The following MFSD6 variants were observed in gnomAD, a reference collection of about 807,000 sequenced individuals.
MFSD6 encodes the protein major facilitator superfamily domain containing 6, also known as major facilitator superfamily domain-containing protein 6.
MFSD6 carries 26 observed loss-of-function variants against 56.3 expected under a neutral mutation model. The ratio of observed to expected loss-of-function variants is 0.46; its 90% confidence interval spans 0.34 to 0.64. MFSD6 has a LOEUF of 0.64. MFSD6 is among the 30% of genes least tolerant of loss of function. The probability of loss-of-function intolerance (pLI) is 0.01; values close to 1 mark genes in which losing one functional copy is unlikely to be tolerated. For synonymous variants in MFSD6, 331 were observed against 366.9 expected (o/e 0.90, Z 1.12); for missense variants, 750 against 986.2 (o/e 0.76, Z 3.21).
Position 190,423,445 on chromosome 2 carries a change from T to C in MFSD6, c.-54+8032T>C, listed in dbSNP as rs1685694575. On this transcript the variant is annotated intron_variant, in intron 2 of 7. Transcript: ENST00000392328. This position sits in a 1 kb window ranked among gnomAD's most constrained non-coding sequence, Gnocchi z 4.3. ...TAATTATCTGGAAATTTATCCAGTTTATTGCATGTATCAATCGTTTGCTCC... is the reference window on the plus strand; with the variant it reads ...TAATTATCTGGAAATTTATCCAGTTCATTGCATGTATCAATCGTTTGCTCC... 6.6e-6 allele frequency among the ~76,000 whole-genome samples: 1 copy of C among 152,238 alleles called. No homozygotes were observed. The highest frequency in any genetic ancestry group is 2.4e-5 in the African/African-American group (1 of 41,466).
rs781686018 is a variant in MFSD6, at chr2:190,496,450, T to C, written c.1892-989T>C. On this transcript the variant is annotated intron_variant, in intron 6 of 7. Coordinates refer to ENST00000392328, the MANE Select transcript of MFSD6 (RefSeq NM_017694.4). This position sits in a 1 kb window ranked among gnomAD's most constrained non-coding sequence, Gnocchi z 4.7. ...ATTTCTTAAGAACTAAAAGTAGAAC[T>C]ACCATTTGATCCAGCAATCCCACTA... 6.6e-6 allele frequency among the ~76,000 whole-genome samples: 1 copy of C among 152,146 alleles called. No homozygotes were observed. The highest frequency in any genetic ancestry group is 2.1e-4 in the South Asian group (1 of 4,826).
At position 190,490,263 on chromosome 2, in the gene MFSD6, T is replaced by TAA. The variant is rs141689643; in HGVS notation, c.1891+410_1891+411dup. Among the ~76,000 whole-genome samples, 3 of 144,048 alleles carry TAA rather than the reference T, an allele frequency of 2.1e-5. No homozygotes were observed. Among genetic ancestry groups the TAA allele is most frequent in the African/African-American group, 5.1e-5 (2 of 38,860 alleles). The allele number at this position is 144,048 out of a possible 152,430, so 94.5% of individuals were successfully genotyped here. On this transcript the variant is annotated intron_variant, in intron 6 of 7. Coordinates refer to ENST00000392328, the MANE Select transcript of MFSD6 (RefSeq NM_017694.4). The surrounding 1 kb of genome is among the most constrained non-coding windows in gnomAD (Gnocchi z 4.5). ...TTCTCTATGACTTACCTTCATTTGT[T>TAA]AAAAAAAAAAAAAACAATGGCCGGG... is the stretch of plus-strand genomic sequence containing the variant.
In MFSD6 at chr2:190,467,430, T is replaced by C. The variant is rs1038048441; in HGVS notation, c.1533-2328T>C. Among the ~76,000 whole-genome samples, 5 of 152,180 alleles carry C rather than the reference T, an allele frequency of 3.3e-5. No homozygotes were observed. Among genetic ancestry groups the C allele is most frequent in the African/African-American group, 1.2e-4 (5 of 41,426 alleles). ...GAGTTTGAGACCAGCCTGGCCAACA[T>C]GGCAAAACCTCGTCTCTACTAAAAA... On this transcript the variant is annotated intron_variant, in intron 3 of 7. Coordinates refer to ENST00000392328, the MANE Select transcript of MFSD6 (RefSeq NM_017694.4). The surrounding 1 kb of genome is among the most constrained non-coding windows in gnomAD (Gnocchi z 5.5).
intron 3 of MFSD6, among the ~76,000 whole-genome samples, chr2:190,453,562 T>C (rs1016732789): frequency 1.3e-5 from 2 of 152,236 alleles, no homozygotes; most frequent in Non-Finnish European, 2.9e-5. Context: ...AGCAGTGCCA[T>C]AGAGCAGGAC....
At chr2:190,464,879 T>A in intron 3 of MFSD6, 1 of 979,026 alleles carries the variant, frequency 1.0e-6, no homozygotes. Context: ...GCAAAATTTA[T>A]GTTCACTGTG....
At position 190,418,644 on chromosome 2, in the gene MFSD6, C is replaced by T. The variant is rs1336570362; in HGVS notation, c.-54+3231C>T. Among the ~76,000 whole-genome samples, 1 of 152,112 alleles carries T rather than the reference C, an allele frequency of 6.6e-6. No individual in the cohort carries two copies. The highest frequency in any genetic ancestry group is 1.5e-5 in the Non-Finnish European group (1 of 68,020). ...TGGTGGTGTGTGCCTGTAGTCCCAGCTACTTGGGAGGTTGAGGTGGGAGGA... is the reference window on the plus strand; with the variant it reads ...TGGTGGTGTGTGCCTGTAGTCCCAGTTACTTGGGAGGTTGAGGTGGGAGGA... On this transcript the variant is annotated intron_variant, in intron 2 of 7. Coordinates refer to ENST00000392328, the MANE Select transcript of MFSD6 (RefSeq NM_017694.4). The surrounding 1 kb of genome is among the most constrained non-coding windows in gnomAD (Gnocchi z 4.1).
In MFSD6 at chr2:190,488,611, A is replaced by C. The variant is rs777575541; in HGVS notation, c.1631-46A>C. ...TTCACATTTCAAAACAGAGTAGCCTAAGAAATGCTAACCAACTAATCCCTC... is the reference window on the plus strand; with the variant it reads ...TTCACATTTCAAAACAGAGTAGCCTCAGAAATGCTAACCAACTAATCCCTC... On this transcript the variant is annotated intron_variant, in intron 4 of 7. Transcript: ENST00000392328. This position sits in a 1 kb window ranked among gnomAD's most constrained non-coding sequence, Gnocchi z 6.4. The C allele has an allele frequency of 7.1e-7, 1 of 1,400,622 alleles. No individual in the cohort carries two copies. Among genetic ancestry groups the C allele is most frequent in the East Asian group, 2.7e-5 (1 of 37,586 alleles). The allele number at this position is 1,400,622 out of a possible 1,614,324, so 86.8% of individuals were successfully genotyped here.
intron 4 of MFSD6, among the ~76,000 whole-genome samples, chr2:190,472,836 G>A (rs1688028998): frequency 6.6e-6 from 1 of 152,202 alleles, no homozygotes; most frequent in Non-Finnish European, 1.5e-5. Flanking sequence ...CAGCCAGAGA[G>A]AAAGGTCGGG....
At chr2:190,477,375 G>A (rs1479604411) in intron 4 of MFSD6, 2 of 980,588 alleles carry the variant, frequency 2.0e-6, no homozygotes, top group Admixed American at 1.2e-4. Flanking sequence ...TATAAATAAA[G>A]ATTTGTATAC....
intron 3 of MFSD6, among the ~76,000 whole-genome samples, chr2:190,450,514 CAG>C (rs1384021082): frequency 4.7e-4 from 22 of 46,610 alleles, no homozygotes; most frequent in Admixed American, 1.3e-3. Flanking sequence ...TTTTTTGAGA[CAG>C]GGGTCTCACT....
At chr2:190,455,315 A>G (rs1686972562) in intron 3 of MFSD6, among the ~76,000 whole-genome samples, 1 of 152,182 alleles carries the variant, frequency 6.6e-6, no homozygotes, top group Admixed American at 6.5e-5. Flanking sequence ...TAACGTTTTA[A>G]GTATAGGTAT....
intron 1 of MFSD6, among the ~76,000 whole-genome samples, chr2:190,414,007 T>C (rs758002695): frequency 1.1e-4 from 16 of 151,972 alleles, no homozygotes; most frequent in Admixed American, 2.0e-4. Context: ...TGGCTCAAGG[T>C]AGAGCAAAGG....
intron 4 of MFSD6, among the ~76,000 whole-genome samples, chr2:190,474,486 G>A (rs1688160516): frequency 6.6e-6 from 1 of 152,184 alleles, no homozygotes; most frequent in Admixed American, 6.5e-5. Flanking sequence ...TAAATTCCTT[G>A]ACACAAACAA....
intron 3 of MFSD6, among the ~76,000 whole-genome samples, chr2:190,444,644 G>T (rs1686505531): frequency 6.6e-6 from 1 of 152,088 alleles, no homozygotes; most frequent in South Asian, 2.1e-4. Flanking sequence ...TAAAAACCAT[G>T]GCAAAGCACT....
At position 190,417,005 on chromosome 2, in the gene MFSD6, A is replaced by G. The variant is rs1690804836; in HGVS notation, c.-54+1592A>G. ...TTACAGGGGTAAAGGGCAATATGTT[A>G]TGTTCTAGATTCCTCCCTCGAGGGG... On this transcript the variant is annotated intron_variant, in intron 2 of 7. Transcript: ENST00000392328. This position sits in a 1 kb window ranked among gnomAD's most constrained non-coding sequence, Gnocchi z 5.7. Among the ~76,000 whole-genome samples, 1 of 152,144 alleles carries G rather than the reference A, an allele frequency of 6.6e-6. No individual in the cohort carries two copies. The highest frequency in any genetic ancestry group is 2.1e-4 in the South Asian group (1 of 4,830).
At chr2:190,449,168 A>G (rs111829714) in intron 3 of MFSD6, among the ~76,000 whole-genome samples, 75 of 152,238 alleles carry the variant, frequency 4.9e-4, no homozygotes, top group African/African-American at 1.7e-3. Context: ...TCAGGTGCAA[A>G]TGCATAGTAT....
chr2:190,440,090 T>C (rs1022874188), intron 3 of MFSD6, among the ~76,000 whole-genome samples: 3 of 152,232 alleles, frequency 2.0e-5, no homozygotes, highest in African/African-American at 7.2e-5. Context: ...TGCATGTATA[T>C]TATTTCAGTA....
chr2:190,468,487 C>G (rs570775617), intron 3 of MFSD6, among the ~76,000 whole-genome samples: 1 of 147,186 alleles, frequency 6.8e-6, no homozygotes, highest in African/African-American at 2.5e-5. Context: ...GGGTCTTGCT[C>G]TGTTTGCCAG....
Position 190,410,613 on chromosome 2 carries a change from C to A in MFSD6, c.-176+2110C>A, listed in dbSNP as rs549155975. Among the ~76,000 whole-genome samples the A allele has an allele frequency of 4.6e-5, 7 of 152,244 alleles. No homozygotes were observed. Among genetic ancestry groups the A allele is most frequent in the African/African-American group, 1.7e-4 (7 of 41,508 alleles). ...GTCCTCACCAGTTGTAGATTGAAGG[C>A]AGTATGAAGCTGACAGGTTTCTTTG... On this transcript the variant is annotated intron_variant, in intron 1 of 7. Coordinates refer to ENST00000392328, the MANE Select transcript of MFSD6 (RefSeq NM_017694.4). This position sits in a 1 kb window ranked among gnomAD's most constrained non-coding sequence, Gnocchi z 4.4.
Sources: gnomAD v4.1 joint callset for allele counts (sites outside exome capture counted in the v4.1 genomes callset) on GRCh38, gnomAD v4.1.1 for gene constraint, Gnocchi (gnomAD v3.1) non-coding constraint, MANE v1.5 for transcripts, NCBI Gene and HGNC (gene_info 2026-07-23, HGNC 2026-07-21) for gene names.